POMP: variants seen among roughly 807,000 people sequenced by gnomAD.
POMP encodes 2510048O06Rik.
A neutral mutation model predicts 20.6 loss-of-function variants in POMP; 12 were observed. The observed-to-expected ratio is 0.58, with a 90% CI of 0.37 to 0.94. POMP has a LOEUF of 0.94. Ranked by LOEUF, POMP falls within the 40% of genes least tolerant of loss-of-function variation. POMP has a pLI of 0.01. For missense variants in POMP, 136 were observed against 161.1 expected, an observed-to-expected ratio of 0.84 and a Z score of 0.84; for synonymous variants, 53 against 55.0, an observed-to-expected ratio of 0.96 and a Z score of 0.16.
Position 28,672,398 on chromosome 13 carries a change from T to C in POMP, c.324T>C (p.Asn108=), listed in dbSNP as rs7336535. ...SNLSLDVLRG[N]DETIGFEDIL... is the part of the protein sequence containing the mutation. The stretch of plus-strand genomic sequence containing the variant: ...TTTCACTGGATGTTTTGAGGGGTAA[T>C]GATGAGACTATTGGATTTGAGGATA... The change falls in exon 5 of 6, where the codon AAT becomes AAC. Residue 108 remains asparagine (N), a synonymous_variant. Coordinates refer to ENST00000380842, the MANE Select transcript of POMP (RefSeq NM_015932.6). The C allele has an allele frequency of 1.2e-5, 20 of 1,607,674 alleles. No individual in the cohort carries two copies. In the African/African-American group the frequency reaches 2.1e-4, roughly 17 times the overall value.
At chr13:28,674,906 G>T (rs1884603954) in intron 5 of POMP, among the ~76,000 whole-genome samples, 1 of 151,768 alleles carries the variant, frequency 6.6e-6, no homozygotes, top group African/African-American at 2.4e-5. Context: ...GGGCATAGTG[G>T]TGTGCAGCTG....
At chr13:28,672,026 C>T (rs775751138) in intron 4 of POMP, among the ~76,000 whole-genome samples, 41 of 152,220 alleles carry the variant, frequency 2.7e-4, no homozygotes, top group Non-Finnish European at 3.8e-4. Context: ...AGGAATGAGG[C>T]GTGATGTTAA....
chr13:28,672,000 T>A (rs1370608267), intron 4 of POMP, among the ~76,000 whole-genome samples: 1 of 152,192 alleles, frequency 6.6e-6, no homozygotes, highest in Non-Finnish European at 1.5e-5. Flanking sequence ...AGGAATTTGA[T>A]CATCCTACAT....
chr13:28,677,578 C>G (rs1266196402), intron 5 of POMP, among the ~76,000 whole-genome samples: 1 of 152,066 alleles, frequency 6.6e-6, no homozygotes, highest in East Asian at 1.9e-4. Context: ...CTTAAGAATT[C>G]TTACGTTTGT....
Position 28,659,158 on chromosome 13 carries a change from G to C in POMP, c.-27G>C, listed in dbSNP as rs1275654824. The C allele has an allele frequency of 6.3e-7, 1 of 1,581,702 alleles. No homozygotes were observed. Among genetic ancestry groups the C allele is most frequent in the South Asian group, 1.2e-5 (1 of 86,908 alleles). ...GGGGTCGACTGACGGTAACGGGGCA[G>C]AGAGGCTGTTCGCAGAGCTGCGGAA... On this transcript the variant is annotated 5_prime_UTR_variant, in exon 1 of 6. Coordinates refer to ENST00000380842, the MANE Select transcript of POMP (RefSeq NM_015932.6).
Position 28,678,017 on chromosome 13 carries a change from GT to G in POMP, c.359-13del. 1 of 1,611,246 alleles carries G rather than the reference GT, an allele frequency of 6.2e-7. No homozygotes were observed. Among genetic ancestry groups the G allele is most frequent in the African/African-American group, 1.3e-5 (1 of 74,914 alleles). On this transcript the variant is annotated splice_polypyrimidine_tract_variant and intron_variant, in intron 5 of 5. Transcript: ENST00000380842. ...TTTTTGAGAGTCTTTTAAAATGTTTGTTTTTGTTTGCTTTCAGATCCATCAC... is the reference window on the plus strand; with the variant it reads ...TTTTTGAGAGTCTTTTAAAATGTTTGTTTTGTTTGCTTTCAGATCCATCAC...
At chr13:28,675,894 A>C (rs1414604406) in intron 5 of POMP, among the ~76,000 whole-genome samples, 1 of 151,906 alleles carries the variant, frequency 6.6e-6, no homozygotes, top group Admixed American at 6.6e-5. Context: ...AACAACCAGA[A>C]CTTGTGTGAA....
chr13:28,664,722 A>G (rs1884411250), intron 3 of POMP, among the ~76,000 whole-genome samples, 153 bp downstream of exon 3: 1 of 152,172 alleles, frequency 6.6e-6, no homozygotes, highest in Non-Finnish European at 1.5e-5. Flanking sequence ...GATAGACTTA[A>G]AAATTACACT....
At chr13:28,675,996 C>T (rs1449036902) in intron 5 of POMP, among the ~76,000 whole-genome samples, 1 of 152,114 alleles carries the variant, frequency 6.6e-6, no homozygotes, top group Non-Finnish European at 1.5e-5. Context: ...TACAGGGCCA[C>T]CTTCCGCACT....
chr13:28,676,440 T>A (rs1364553800), intron 5 of POMP, among the ~76,000 whole-genome samples: 2 of 152,248 alleles, frequency 1.3e-5, no homozygotes, highest in Non-Finnish European at 2.9e-5. Context: ...ATATTTTTCT[T>A]ATTTATTATT....
At chr13:28,665,312 T>C (rs1884422593) in intron 3 of POMP, among the ~76,000 whole-genome samples, 1 of 152,180 alleles carries the variant, frequency 6.6e-6, no homozygotes, top group Non-Finnish European at 1.5e-5. Context: ...CTGTATTTTG[T>C]TTTTGTTGTT....
chr13:28,678,312 T>G lies in POMP; in HGVS notation c.*210T>G. 1.8e-6 allele frequency: 1 copy of G among 563,764 alleles called. No homozygotes were observed. The highest frequency in any genetic ancestry group is 3.2e-6 in the Non-Finnish European group (1 of 315,692). The allele number at this position is 563,764 out of a possible 1,614,324, so 34.9% of individuals were successfully genotyped here. A position where few individuals can be genotyped will look rare whatever the true frequency, so the allele number is the denominator to read the frequency against. ...GGAGATCATGTTAAAGCTCTTAATT[T>G]ATATTAAAACAGTAGCCTTTGTCTT... On this transcript the variant is annotated 3_prime_UTR_variant, in exon 6 of 6. Transcript: ENST00000380842.
At chr13:28,665,547 T>C (rs2137792694) in intron 3 of POMP, among the ~76,000 whole-genome samples, 1 of 152,302 alleles carries the variant, frequency 6.6e-6, no homozygotes, top group African/African-American at 2.4e-5. Flanking sequence ...TGAGAACTAA[T>C]GGGAGAAATG....
At chr13:28,674,411 G>T (rs975050404) in intron 5 of POMP, among the ~76,000 whole-genome samples, 3 of 152,200 alleles carry the variant, frequency 2.0e-5, no homozygotes, top group African/African-American at 7.2e-5. Context: ...TGCCTGTCCT[G>T]TGCTGCTTTG....
intron 5 of POMP, among the ~76,000 whole-genome samples, chr13:28,675,855 GA>G (rs1352669300): frequency 6.6e-6 from 1 of 152,100 alleles, no homozygotes; most frequent in African/African-American, 2.4e-5. Context: ...GAGGGAGCAA[GA>G]GAGTGAGGGG....
chr13:28,668,947 A>G (rs1163412046), intron 4 of POMP, among the ~76,000 whole-genome samples: 1 of 150,718 alleles, frequency 6.6e-6, no homozygotes, highest in Non-Finnish European at 1.5e-5. Flanking sequence ...TGTCCTTCCA[A>G]TTATGTAAGA....
chr13:28,666,831 ATCC>A lies in POMP; in HGVS notation c.163-1637_163-1635del, dbSNP rs751909559. On this transcript the variant is annotated intron_variant, in intron 3 of 5. Transcript: ENST00000380842. ...AGTGGTTCTCAACTAGGGGAGGATC[ATCC>A]TCCTGCCCCCTACAAGGGAACAGTT... Among the ~76,000 whole-genome samples the A allele has an allele frequency of 3.4e-4, 52 of 152,326 alleles. No individual in the cohort carries two copies. In the Middle Eastern group the frequency reaches 0.01, roughly 30 times the overall value.
At chr13:28,674,900 A>G (rs1239708519) in intron 5 of POMP, among the ~76,000 whole-genome samples, 3 of 151,754 alleles carry the variant, frequency 2.0e-5, no homozygotes, top group Non-Finnish European at 4.4e-5. Context: ...TTAATTGGGC[A>G]TAGTGGTGTG....
At chr13:28,667,580 C>T (rs1351290698) in intron 3 of POMP, among the ~76,000 whole-genome samples, 3 of 152,190 alleles carry the variant, frequency 2.0e-5, no homozygotes, top group Admixed American at 6.5e-5. Flanking sequence ...TTTCAAACTT[C>T]ATAGTCATAT....
Sources: allele counts gnomAD v4.1 joint callset (sites outside exome capture counted in the v4.1 genomes callset), GRCh38; gene constraint gnomAD v4.1.1; transcripts MANE v1.5; gene names NCBI Gene and HGNC (gene_info 2026-07-23, HGNC 2026-07-21).